CTNNA2: variants seen among roughly 807,000 people sequenced by gnomAD.
CTNNA2 encodes catenin alpha-2.
In CTNNA2, 42 loss-of-function variants were observed where a neutral mutation model predicts 101.0. The observed-to-expected ratio is 0.42, with a 90% CI of 0.32 to 0.54. CTNNA2 has a LOEUF of 0.54. CTNNA2 is among the 20% of genes least tolerant of loss of function. CTNNA2 has a pLI of 0.14. For missense variants in CTNNA2, 871 were observed against 1,223.1 expected (o/e 0.71, Z 4.29); for synonymous variants, 450 against 456.4 (o/e 0.99, Z 0.18).
chr2:80,073,771 C>CACACACACACACACTT (rs1553443664), intron 7 of CTNNA2, among the ~76,000 whole-genome samples: 143 of 146,484 alleles, frequency 9.8e-4, no homozygotes, highest in Middle Eastern at 3.5e-3. Flanking sequence ...CACACACACA[C>CACACACACACACACTT]TTATAGGATT....
intron 7 of CTNNA2, among the ~76,000 whole-genome samples, chr2:80,312,773 C>G (rs1042894920): frequency 1.3e-5 from 2 of 152,184 alleles, no homozygotes; most frequent in Non-Finnish European, 2.9e-5. Flanking sequence ...TTTGTCCTCA[C>G]AGATAAAATG....
chr2:80,330,499 C>CT (rs11338415), intron 7 of CTNNA2, among the ~76,000 whole-genome samples: 3,679 of 141,202 alleles, frequency 0.026, 101 homozygotes, highest in Middle Eastern at 0.12. Flanking sequence ...CTACTTTTTT[C>CT]TTTTTTTTTT....
intron 2 of CTNNA2, among the ~76,000 whole-genome samples, chr2:79,720,730 A>T (rs191719556): frequency 9.9e-5 from 15 of 152,206 alleles, no homozygotes; most frequent in Non-Finnish European, 2.1e-4. Flanking sequence ...TTTTGTACAT[A>T]TCCAGGAACC....
At chr2:79,300,516 A>T (rs767570376) in intron 2 of CTNNA2, among the ~76,000 whole-genome samples, 2 of 152,190 alleles carry the variant, frequency 1.3e-5, no homozygotes, top group African/African-American at 2.4e-5. Flanking sequence ...CTGAGGGAAG[A>T]CTGGTTTATA....
At chr2:80,433,561 A>C (rs1681745630) in intron 9 of CTNNA2, among the ~76,000 whole-genome samples, 1 of 152,012 alleles carries the variant, frequency 6.6e-6, no homozygotes, top group Non-Finnish European at 1.5e-5. Flanking sequence ...TGGAGAGTTC[A>C]TATGTTGGAG....
At chr2:79,447,162 C>T (rs1678842118) in intron 4 of CTNNA2, among the ~76,000 whole-genome samples, 2 of 151,950 alleles carry the variant, frequency 1.3e-5, no homozygotes, top group Admixed American at 6.6e-5. Flanking sequence ...TATCTAGCTA[C>T]AGTACTTTAA....
At chr2:79,491,567 C>T (rs1357595080) in intron 4 of CTNNA2, among the ~76,000 whole-genome samples, 3 of 152,154 alleles carry the variant, frequency 2.0e-5, no homozygotes, top group African/African-American at 7.2e-5. Flanking sequence ...TGGCTCTAGA[C>T]AGGGTCCAGA....
chr2:80,177,128 G>A lies in CTNNA2; in HGVS notation c.1057-216083G>A, dbSNP rs144815843. On this transcript the variant is annotated intron_variant, in intron 7 of 18. Transcript: ENST00000402739. ...ATCAGTCCAGCTGCTTTAGGGTGAT[G>A]GGGAACATGGTGAGACCAGTGGGTT... Among the ~76,000 whole-genome samples, 683 of 152,272 alleles carry A rather than the reference G, an allele frequency of 4.5e-3. 4 individuals are homozygous for A. The highest frequency in any genetic ancestry group is 0.016 in the African/African-American group (645 of 41,552).
At chr2:80,249,019 T>A (rs1671553528) in intron 7 of CTNNA2, among the ~76,000 whole-genome samples, 9 of 152,120 alleles carry the variant, frequency 5.9e-5, no homozygotes, top group Admixed American at 5.9e-4. Context: ...ACTTTTCTAA[T>A]CAGGGTTTTA....
intron 7 of CTNNA2, among the ~76,000 whole-genome samples, chr2:80,357,898 G>C (rs1673994967): frequency 6.6e-6 from 1 of 152,016 alleles, no homozygotes; most frequent in Non-Finnish European, 1.5e-5. Context: ...ATTGACACTT[G>C]GTAATACAGG....
intron 4 of CTNNA2, among the ~76,000 whole-genome samples, chr2:79,382,757 G>A (rs545748844): frequency 1.2e-4 from 18 of 152,204 alleles, no homozygotes; most frequent in South Asian, 6.2e-4. Flanking sequence ...GGGACTACAC[G>A]TGCCCAACAC....
At chr2:79,647,305 A>G (rs1680889435) in intron 1 of CTNNA2, among the ~76,000 whole-genome samples, 1 of 152,214 alleles carries the variant, frequency 6.6e-6, no homozygotes. Flanking sequence ...AAGGAAATTT[A>G]AATTTGGGAA....
intron 8 of CTNNA2, 136 bp from the exon 9 acceptor site, chr2:80,419,313 A>G (rs1313975532): frequency 1.6e-6 from 1 of 639,396 alleles, no homozygotes; most frequent in Non-Finnish European, 2.7e-6. Flanking sequence ...TAATGTAAGC[A>G]CTGGGAAAAT....
chr2:79,366,839 G>T (rs927988477), intron 3 of CTNNA2, among the ~76,000 whole-genome samples: 2 of 152,182 alleles, frequency 1.3e-5, no homozygotes, highest in Non-Finnish European at 2.9e-5. Flanking sequence ...TAGTATATCA[G>T]ATATAATTAC....
intron 7 of CTNNA2, among the ~76,000 whole-genome samples, chr2:80,148,816 G>C (rs1216693083): frequency 6.6e-6 from 1 of 152,072 alleles, no homozygotes; most frequent in African/African-American, 2.4e-5. Flanking sequence ...AGAAGAGAAG[G>C]TTGAACCACT....
At chr2:80,372,979 A>G (rs1420277388) in intron 7 of CTNNA2, among the ~76,000 whole-genome samples, 2 of 152,230 alleles carry the variant, frequency 1.3e-5, no homozygotes, top group Non-Finnish European at 2.9e-5. Flanking sequence ...ACAAAGAATT[A>G]TCCAGCTCAG....
At chr2:79,660,821 C>T (rs894726748) in intron 2 of CTNNA2, among the ~76,000 whole-genome samples, 10 of 151,968 alleles carry the variant, frequency 6.6e-5, no homozygotes, top group African/African-American at 2.4e-4. Context: ...GTACAGAACC[C>T]TTTTAAAATA....
At chr2:80,052,458 C>T (rs1212299634) in intron 7 of CTNNA2, among the ~76,000 whole-genome samples, 2 of 152,164 alleles carry the variant, frequency 1.3e-5, no homozygotes, top group Non-Finnish European at 2.9e-5. Context: ...TAAGGCAACC[C>T]ACATTTCACT....
intron 4 of CTNNA2, among the ~76,000 whole-genome samples, chr2:79,861,096 G>A (rs1681589307): frequency 6.6e-6 from 1 of 152,104 alleles, no homozygotes; most frequent in African/African-American, 2.4e-5. Flanking sequence ...ACATAGATGA[G>A]AAAGAAAAGA....
Sources: allele counts gnomAD v4.1 joint callset (sites outside exome capture counted in the v4.1 genomes callset), GRCh38; gene constraint gnomAD v4.1.1; transcripts MANE v1.5; gene names NCBI Gene and HGNC (gene_info 2026-07-23, HGNC 2026-07-21).